Variants in TP63 observed in about 807,000 individuals in gnomAD.
The protein encoded by TP63 is tumor protein 63.
A neutral mutation model predicts 82.8 loss-of-function variants in TP63; 17 were observed. That is an observed-to-expected ratio of 0.21 (90% CI 0.14 to 0.31). The LOEUF (loss-of-function observed/expected upper bound fraction) is 0.31, where lower values mean the gene tolerates loss of function less well. Among genes scored for constraint, TP63 ranks in the 10% least tolerant of loss-of-function variants. The pLI, the probability that TP63 is intolerant of heterozygous loss-of-function variation, is 1.00. For missense variants in TP63, 648 were observed against 895.3 expected, an observed-to-expected ratio of 0.72 and a Z score of 3.52; for synonymous variants, 330 against 321.7, an observed-to-expected ratio of 1.03 and a Z score of -0.28.
chr3:189,835,185 A>G (rs1712954561), intron 4 of TP63, among the ~76,000 whole-genome samples: 1 of 152,206 alleles, frequency 6.6e-6, no homozygotes, highest in Non-Finnish European at 1.5e-5. Flanking sequence ...CAGATTCTGT[A>G]TAGCTTATTA....
chr3:189,846,611 GGTGTGTGTGTGTGTGTGT>G (rs71861936), intron 4 of TP63, among the ~76,000 whole-genome samples: 31 of 141,254 alleles, frequency 2.2e-4, no homozygotes, highest in South Asian at 1.1e-3. Context: ...TGGCCAGTAG[GGTGTGTGTGTGTGTGTGT>G]GTGTGTGTGT....
chr3:189,864,937 G>A (rs940854855), intron 5 of TP63, among the ~76,000 whole-genome samples: 1 of 152,014 alleles, frequency 6.6e-6, no homozygotes, highest in Non-Finnish European at 1.5e-5. Flanking sequence ...AACCCAGGAG[G>A]CCAAGCTTGC....
At chr3:189,771,268 A>C (rs1388204397) in intron 3 of TP63, among the ~76,000 whole-genome samples, 1 of 140,988 alleles carries the variant, frequency 7.1e-6, no homozygotes, top group Non-Finnish European at 1.5e-5. Context: ...TGATAAAGCT[A>C]AGACAAATAT....
At chr3:189,691,745 A>G (rs557204369) in intron 1 of TP63, among the ~76,000 whole-genome samples, 49 of 152,354 alleles carry the variant, frequency 3.2e-4, no homozygotes, top group Non-Finnish European at 5.4e-4. Context: ...TATCTACAGC[A>G]CTAGATGTTT....
the TP63 span, among the ~76,000 whole-genome samples, chr3:189,619,478 T>C: frequency 6.6e-6 from 1 of 152,216 alleles, no homozygotes; most frequent in African/African-American, 2.4e-5. Context: ...TAGAGCTCTC[T>C]GACTCTAACT....
intron 1 of TP63, among the ~76,000 whole-genome samples, chr3:189,685,176 A>G (rs1716333609): frequency 6.6e-6 from 1 of 152,204 alleles, no homozygotes; most frequent in Admixed American, 6.5e-5. Flanking sequence ...CCATAATACC[A>G]AAAGTACTTC....
At chr3:189,783,190 A>G (rs1169093122) in intron 3 of TP63, among the ~76,000 whole-genome samples, 1 of 151,928 alleles carries the variant, frequency 6.6e-6, no homozygotes, top group African/African-American at 2.4e-5. Context: ...ATTTAACATA[A>G]TGCATTCAAT....
At chr3:189,783,456 A>C (rs1157963557) in intron 3 of TP63, among the ~76,000 whole-genome samples, 3 of 151,976 alleles carry the variant, frequency 2.0e-5, no homozygotes, top group African/African-American at 4.8e-5. Flanking sequence ...CTATATTTTC[A>C]ACAACATATT....
intron 1 of TP63, among the ~76,000 whole-genome samples, chr3:189,705,727 A>G (rs1192903745): frequency 6.6e-6 from 1 of 152,150 alleles, no homozygotes; most frequent in Non-Finnish European, 1.5e-5. Context: ...ATAAAGAAAA[A>G]TATTCTCAAG....
intron 4 of TP63, among the ~76,000 whole-genome samples, chr3:189,850,242 A>G (rs1312354188): frequency 6.6e-6 from 1 of 151,944 alleles, no homozygotes; most frequent in East Asian, 1.9e-4. Context: ...AGATCATACC[A>G]CTTCCCTCCA....
the TP63 span, among the ~76,000 whole-genome samples, chr3:189,603,642 G>T: frequency 1.9e-4 from 15 of 77,590 alleles, no homozygotes; most frequent in Non-Finnish European, 2.1e-4. Context: ...AGTGGTTTTT[G>T]CCTTCATTAA....
chr3:189,635,761 C>G (rs1729737618), intron 1 of TP63, among the ~76,000 whole-genome samples: 1 of 152,072 alleles, frequency 6.6e-6, no homozygotes, highest in Admixed American at 6.6e-5. Flanking sequence ...AAACTTTCCT[C>G]AATATCTTTT....
At chr3:189,603,058 C>A in the TP63 span, among the ~76,000 whole-genome samples, 1 of 152,070 alleles carries the variant, frequency 6.6e-6, no homozygotes, top group African/African-American at 2.4e-5. Flanking sequence ...AATGAGAGAA[C>A]GTCTAATGCA....
At chr3:189,878,481 T>C (rs1719501378) in intron 10 of TP63, among the ~76,000 whole-genome samples, 1 of 148,952 alleles carries the variant, frequency 6.7e-6, no homozygotes, top group East Asian at 2.0e-4. Context: ...ATTTGCCTCC[T>C]GGGTTCGAAC....
intron 1 of TP63, among the ~76,000 whole-genome samples, chr3:189,731,854 G>T (rs958620518): frequency 2.6e-5 from 4 of 152,150 alleles, no homozygotes; most frequent in African/African-American, 9.7e-5. Context: ...TCACCCAAAG[G>T]TAAAGACTTG....
intron 3 of TP63, among the ~76,000 whole-genome samples, chr3:189,769,429 T>A (rs576215831): frequency 2.6e-5 from 4 of 152,182 alleles, no homozygotes; most frequent in African/African-American, 7.2e-5. Flanking sequence ...TATACATTTG[T>A]GGTTATTTCA....
intron 1 of TP63, among the ~76,000 whole-genome samples, chr3:189,682,818 A>G (rs1716096820): frequency 6.6e-6 from 1 of 151,816 alleles, no homozygotes; most frequent in East Asian, 1.9e-4. Context: ...CCAAACCATA[A>G]TTTTACTTCC....
At chr3:189,835,488 C>T (rs1712999467) in intron 4 of TP63, among the ~76,000 whole-genome samples, 1 of 152,154 alleles carries the variant, frequency 6.6e-6, no homozygotes, top group Non-Finnish European at 1.5e-5. Context: ...ATATACCAGC[C>T]TCCTGGTGTC....
chr3:189,689,263 G>A (rs1203863815), intron 1 of TP63, among the ~76,000 whole-genome samples: 1 of 151,568 alleles, frequency 6.6e-6, no homozygotes, highest in South Asian at 2.1e-4. Flanking sequence ...TTACAGGCAC[G>A]TGCCACACTG....
Sources: gnomAD v4.1 joint callset for allele counts (sites outside exome capture counted in the v4.1 genomes callset) on GRCh38, gnomAD v4.1.1 for gene constraint, MANE v1.5 for transcripts, NCBI Gene and HGNC (gene_info 2026-07-23, HGNC 2026-07-21) for gene names.